The following ZNF334 variants were observed in gnomAD, a reference collection of about 807,000 sequenced individuals.
The protein encoded by ZNF334 is zinc finger protein 334.
In ZNF334, 14 loss-of-function variants were observed where a neutral mutation model predicts 12.4. The observed-to-expected ratio is 1.13, with a 90% CI of 0.74 to 1.76. The LOEUF is 1.76. Among genes scored for constraint, ZNF334 ranks in the 40% most tolerant of loss-of-function variants. The probability of loss-of-function intolerance (pLI) is 0.00; values close to 1 mark genes in which losing one functional copy is unlikely to be tolerated. For missense variants in ZNF334, 797 were observed against 804.5 expected (o/e 0.99, Z 0.11); for synonymous variants, 273 against 269.6 (o/e 1.01, Z -0.12).
At chr20:46,496,919 T>C (rs895859538), downstream of ZNF334, among the ~76,000 whole-genome samples, 1 of 152,230 alleles carries the variant, frequency 6.6e-6, no homozygotes, top group African/African-American at 2.4e-5. Context: ...CTTGTCTTTA[T>C]TCTCTTAGTG....
Position 46,501,292 on chromosome 20 carries a change from GAACT to G in ZNF334, c.2043_*3del. The stretch of plus-strand genomic sequence containing the variant: ...TTTGTTGGAATTTATTACTTTGTTG[GAACT>G]TATTCCTTGTGGGATTTCTGATGTA... On this transcript the variant is annotated stop_lost and 3_prime_UTR_variant, in exon 5 of 5. Coordinates refer to ENST00000692313, the MANE Select transcript of ZNF334 (RefSeq NM_001353824.2). 1 of 1,605,652 alleles carries G rather than the reference GAACT, an allele frequency of 6.2e-7. No individual in the cohort carries two copies. The highest frequency in any genetic ancestry group is 2.2e-5 in the East Asian group (1 of 44,796).
At chr20:46,467,665 G>A in the ZNF334 span, among the ~76,000 whole-genome samples, 40 of 152,144 alleles carry the variant, frequency 2.6e-4, no homozygotes, top group African/African-American at 7.0e-4. Context: ...TTGTCTAAGC[G>A]TTTTTGTAGT....
rs1458105503 is a variant in ZNF334, at chr20:46,507,219, A to G, written c.22-2479T>C. On this transcript the variant is annotated intron_variant, in intron 2 of 4. Transcript: ENST00000692313. ...ATGAAGGGAGGGAGGAAAGACAAGGAAAAGAAAACAAAGGAAAAACAAGGG... is the reference window on the plus strand; with the variant it reads ...ATGAAGGGAGGGAGGAAAGACAAGGGAAAGAAAACAAAGGAAAAACAAGGG... 3.3e-5 allele frequency among the ~76,000 whole-genome samples: 5 copies of G among 152,174 alleles called. No homozygotes were observed. In the East Asian group the frequency reaches 9.7e-4, roughly 29 times the overall value.
chr20:46,479,240 T>C, the ZNF334 span, among the ~76,000 whole-genome samples: 101 of 152,262 alleles, frequency 6.6e-4, no homozygotes, highest in African/African-American at 2.1e-3. Flanking sequence ...TATTATCTGA[T>C]TTTCTTGCCT....
intron 2 of ZNF334, among the ~76,000 whole-genome samples, chr20:46,511,163 G>T (rs2061635762): frequency 6.6e-6 from 1 of 151,714 alleles, no homozygotes; most frequent in Non-Finnish European, 1.5e-5. Flanking sequence ...AGGCCAAGGT[G>T]GGAGGATCAC....
At chr20:46,511,521 T>C (rs977704406) in intron 2 of ZNF334, among the ~76,000 whole-genome samples, 3 of 152,222 alleles carry the variant, frequency 2.0e-5, no homozygotes, top group Non-Finnish European at 2.9e-5. Context: ...GAATATAATA[T>C]TGAATTGTTC....
Position 46,504,603 on chromosome 20 carries a change from A to G in ZNF334, c.148+11T>C. 1 of 1,586,138 alleles carries G rather than the reference A, an allele frequency of 6.3e-7. No homozygotes were observed. The highest frequency in any genetic ancestry group is 8.5e-7 in the Non-Finnish European group (1 of 1,171,130). On this transcript the variant is annotated intron_variant, in intron 3 of 4. Transcript: ENST00000692313. ...ATGCTCTTGGGAGTTGTACAGGGAA[A>G]TAGTCCTTACCCACAGAGACCAAGT... is the stretch of plus-strand genomic sequence containing the variant.
Position 46,502,253 on chromosome 20 carries a change from C to G in ZNF334, c.1086G>C (p.Ser362=), listed in dbSNP as rs140945220. The G allele has an allele frequency of 3.1e-6, 5 of 1,613,832 alleles. No homozygotes were observed. Among genetic ancestry groups the G allele is most frequent in the Non-Finnish European group, 4.2e-6 (5 of 1,179,974 alleles). ...KECGNAFSKK[S]YLVVHQRTHR... is the part of the protein sequence containing the mutation. ...GAGTTCTTTGATGTACAACAAGATA[C>G]GATTTCTTGCTGAAGGCATTTCCAC... is the stretch of plus-strand genomic sequence containing the variant. Residue 362 remains serine, a synonymous_variant, in exon 5 of 5, where the codon TCG becomes TCC. Transcript: ENST00000692313.
rs2061690914 is a variant in ZNF334, at chr20:46,512,526, AT to A, written c.-39+13del. ...AGATTTCTTGGAATAGGAAAATGAT[AT>A]TATGTCACTTACCTGTTTTCCTACT... On this transcript the variant is annotated intron_variant, in intron 1 of 4. Transcript: ENST00000692313. 6.3e-6 allele frequency: 1 copy of A among 158,970 alleles called. No homozygotes were observed. The highest frequency in any genetic ancestry group is 6.2e-5 in the Admixed American group (1 of 16,010). The allele number at this position is 158,970 out of a possible 1,614,324, so 9.8% of individuals were successfully genotyped here. A position where few individuals can be genotyped will look rare whatever the true frequency, so the allele number is the denominator to read the frequency against.
At chr20:46,489,165 G>A in the ZNF334 span, among the ~76,000 whole-genome samples, 2 of 151,458 alleles carry the variant, frequency 1.3e-5, no homozygotes, top group African/African-American at 4.9e-5. Flanking sequence ...TTGCCCAGAT[G>A]CCCAGTACCA....
the ZNF334 span, among the ~76,000 whole-genome samples, chr20:46,475,740 AT>A: frequency 5.9e-5 from 9 of 152,330 alleles, no homozygotes; most frequent in East Asian, 1.7e-3. Context: ...CTACATGCCT[AT>A]CAAAATGGCT....
At chr20:46,480,961 G>A in the ZNF334 span, 1 of 152,324 alleles carries the variant, frequency 6.6e-6, no homozygotes, top group African/African-American at 2.4e-5. Flanking sequence ...GGGCCCAGGA[G>A]GAGAAAGAAC....
the ZNF334 span, among the ~76,000 whole-genome samples, chr20:46,489,019 T>C: frequency 6.6e-6 from 1 of 152,100 alleles, no homozygotes; most frequent in Non-Finnish European, 1.5e-5. Flanking sequence ...ATGTTTCTTA[T>C]TGTGTGATTT....
rs1349412546 is a variant in ZNF334, at chr20:46,513,022, C to G, written c.-521G>C. 1 of 152,148 alleles carries G rather than the reference C, an allele frequency of 6.6e-6. No individual in the cohort carries two copies. The highest frequency in any genetic ancestry group is 1.5e-5 in the Non-Finnish European group (1 of 68,044). The allele number at this position is 152,148 out of a possible 1,614,324, so 9.4% of individuals were successfully genotyped here. On this transcript the variant is annotated 5_prime_UTR_variant, in exon 1 of 5. Transcript: ENST00000692313. ...CTTATTTATAACCAGTACTCCTTCC[C>G]TCCAACCCAGGACTCTCGCAGATAC...
intron 2 of ZNF334, among the ~76,000 whole-genome samples, chr20:46,510,567 A>G (rs1157435869): frequency 1.3e-5 from 2 of 152,096 alleles, no homozygotes; most frequent in South Asian, 2.1e-4. Flanking sequence ...CTACTAAAAA[A>G]TACAAAAAAT....
the ZNF334 span, among the ~76,000 whole-genome samples, chr20:46,486,555 A>G: frequency 6.6e-6 from 1 of 152,146 alleles, no homozygotes; most frequent in Non-Finnish European, 1.5e-5. Flanking sequence ...TGTTATATCT[A>G]CATGTCTTTT....
At chr20:46,495,018 A>G (rs1293526473), downstream of ZNF334, among the ~76,000 whole-genome samples, 1 of 152,220 alleles carries the variant, frequency 6.6e-6, no homozygotes. Flanking sequence ...AAGTTTCAGC[A>G]GAAAGTTTTA....
downstream of ZNF334, among the ~76,000 whole-genome samples, chr20:46,495,353 A>G (rs2061004326): frequency 1.3e-5 from 2 of 151,082 alleles, no homozygotes; most frequent in African/African-American, 2.4e-5. Flanking sequence ...ATCAAATCAT[A>G]CTAGATTAGG....
downstream of ZNF334, among the ~76,000 whole-genome samples, chr20:46,495,149 AT>A (rs2061000793): frequency 6.6e-6 from 1 of 152,150 alleles, no homozygotes; most frequent in East Asian, 1.9e-4. Flanking sequence ...CTGCACACCA[AT>A]GTAAATGATG....
Sources: gnomAD v4.1 joint callset for allele counts (sites outside exome capture counted in the v4.1 genomes callset) on GRCh38, gnomAD v4.1.1 for gene constraint, MANE v1.5 for transcripts, NCBI Gene and HGNC (gene_info 2026-07-23, HGNC 2026-07-21) for gene names.